The following RBBP5 variants were observed in gnomAD, a reference collection of about 807,000 sequenced individuals.
RBBP5 encodes the protein retinoblastoma-binding protein 5.
RBBP5 carries 5 observed loss-of-function variants against 72.2 expected under a neutral mutation model. The ratio of observed to expected loss-of-function variants is 0.07; its 90% CI spans 0.04 to 0.15. RBBP5 has a LOEUF of 0.15. Among genes scored for constraint, RBBP5 ranks in the 10% least tolerant of loss-of-function variants. RBBP5 has a pLI of 1.00. For missense variants in RBBP5, 322 were observed against 652.2 expected, an observed-to-expected ratio of 0.49 and a Z score of 5.51; for synonymous variants, 209 against 237.2, an observed-to-expected ratio of 0.88 and a Z score of 1.09.
Position 205,117,349 on chromosome 1 carries a change from C to T in RBBP5, c.20-1466G>A, listed in dbSNP as rs553800991. ...GATTACAGGCATGAGCCACCACGCC[C>T]GGCCTAGTCCTTACAAATTTATGTG... On this transcript the variant is annotated intron_variant, in intron 1 of 13. Coordinates refer to ENST00000264515, the MANE Select transcript of RBBP5 (RefSeq NM_005057.4). Among the ~76,000 whole-genome samples, 60 of 152,066 alleles carry T rather than the reference C, an allele frequency of 3.9e-4. 1 individual carries two copies. In the South Asian group the frequency reaches 0.011, roughly 28 times the overall value.
rs375948988 is a variant in RBBP5 at position 205,111,185 on chromosome 1, C to G, written c.218+3604G>C. Among the ~76,000 whole-genome samples the G allele has an allele frequency of 1.8e-4, 27 of 152,356 alleles. 1 individual carries two copies. The highest frequency in any genetic ancestry group is 6.5e-4 in the African/African-American group (27 of 41,576). ...CTCTTACTTTATATCCTTTGACTGA[C>G]TAATAACACTTCTGGAAGTCTACTG... On this transcript the variant is annotated intron_variant, in intron 3 of 13. Transcript: ENST00000264515.
chr1:205,103,650 T>C (rs939943065), intron 5 of RBBP5, among the ~76,000 whole-genome samples: 1 of 152,234 alleles, frequency 6.6e-6, no homozygotes, highest in African/African-American at 2.4e-5. Flanking sequence ...GGTCCTCCCA[T>C]GCTTTTCTAG....
intron 1 of RBBP5, among the ~76,000 whole-genome samples, chr1:205,120,647 C>T (rs1257617865): frequency 6.6e-6 from 1 of 152,092 alleles, no homozygotes; most frequent in East Asian, 1.9e-4. Context: ...CCAGGCATGG[C>T]AGTGCGCACC....
At position 205,101,584 on chromosome 1, in the gene RBBP5, G is replaced by A. The variant is rs780815330; in HGVS notation, c.632+16C>T. ...CACTCTTAAAACTGTCCCTTAAAAG[G>A]TAAGATCTCACTCACCTCCCCTTCC... On this transcript the variant is annotated intron_variant, in intron 6 of 13. Coordinates refer to ENST00000264515, the MANE Select transcript of RBBP5 (RefSeq NM_005057.4). The A allele has an allele frequency of 1.3e-6, 2 of 1,576,732 alleles. No individual in the cohort carries two copies. The highest frequency in any genetic ancestry group is 8.7e-7 in the Non-Finnish European group (1 of 1,150,592).
At chr1:205,094,770 C>G (rs769989844) in intron 13 of RBBP5, 103 bp downstream of exon 13, 2 of 1,271,380 alleles carry the variant, frequency 1.6e-6, no homozygotes, top group South Asian at 1.6e-5. Flanking sequence ...CTGGGAAAAA[C>G]GAGGGAAGAG....
chr1:205,095,210 A>G, intron 12 of RBBP5, 146 bp from the exon 13 acceptor site: 1 of 792,464 alleles, frequency 1.3e-6, no homozygotes. Context: ...TTCTATAAGT[A>G]TAAAACAGTG....
chr1:205,117,439 T>G (rs1656570776), intron 1 of RBBP5, among the ~76,000 whole-genome samples: 1 of 151,698 alleles, frequency 6.6e-6, no homozygotes, highest in African/African-American at 2.4e-5. Context: ...GGCAGGTGGA[T>G]CACCTGAGGT....
intron 10 of RBBP5, 116 bp from the exon 11 acceptor site, chr1:205,097,511 AG>A (rs1182371238): frequency 1.1e-6 from 1 of 934,866 alleles, no homozygotes; most frequent in Non-Finnish European, 1.7e-6. Flanking sequence ...AAAACCAAAC[AG>A]TTCACTTCAC....
intron 2 of RBBP5, among the ~76,000 whole-genome samples, chr1:205,115,185 A>C (rs1397647796): frequency 6.6e-6 from 1 of 152,218 alleles, no homozygotes; most frequent in Non-Finnish European, 1.5e-5. Context: ...AATCCCTTAC[A>C]TCACTACTAT....
intron 13 of RBBP5, among the ~76,000 whole-genome samples, chr1:205,092,786 TG>T (rs1655401760): frequency 1.3e-5 from 2 of 151,912 alleles, no homozygotes; most frequent in South Asian, 4.2e-4. Flanking sequence ...CTCACCATGT[TG>T]CCCAGGCTGG....
chr1:205,105,808 G>A lies in RBBP5; in HGVS notation c.219-640C>T, dbSNP rs549181305. 2.0e-5 allele frequency among the ~76,000 whole-genome samples: 3 copies of A among 152,302 alleles called. No individual in the cohort carries two copies. In the East Asian group the frequency reaches 5.8e-4, roughly 29 times the overall value. On this transcript the variant is annotated intron_variant, in intron 3 of 13. Transcript: ENST00000264515. ...TAATGCCAGTGGGCACGCATAAAAAGCCCCAAGAAGAGCTAAGGGACCAGA... is the reference window on the plus strand; with the variant it reads ...TAATGCCAGTGGGCACGCATAAAAAACCCCAAGAAGAGCTAAGGGACCAGA...
intron 4 of RBBP5, 69 bp from the exon 5 acceptor site, chr1:205,104,088 C>T: frequency 6.5e-7 from 1 of 1,535,672 alleles, no homozygotes; most frequent in Non-Finnish European, 9.0e-7. Context: ...CTGTCCTTTT[C>T]CCTGATCCCT....
intron 5 of RBBP5, among the ~76,000 whole-genome samples, 168 bp from the exon 6 acceptor site, chr1:205,101,877 C>A (rs1160404037): frequency 2.7e-5 from 4 of 150,242 alleles, no homozygotes; most frequent in Non-Finnish European, 4.4e-5. Context: ...TTAAGTAAGA[C>A]AAGGTCTTAA....
At chr1:205,112,136 G>A (rs1164601674) in intron 3 of RBBP5, among the ~76,000 whole-genome samples, 2 of 152,168 alleles carry the variant, frequency 1.3e-5, no homozygotes, top group Non-Finnish European at 2.9e-5. Context: ...TGGCCAACAT[G>A]GCAAAACACT....
At position 205,099,601 on chromosome 1, in the gene RBBP5, G is replaced by A; in HGVS notation, c.978+140C>T. 1.1e-6 allele frequency: 1 copy of A among 871,962 alleles called. No homozygotes were observed. Among genetic ancestry groups the A allele is most frequent in the Non-Finnish European group, 1.7e-6 (1 of 578,086 alleles). The allele number at this position is 871,962 out of a possible 1,614,324, so 54.0% of individuals were successfully genotyped here. On this transcript the variant is annotated intron_variant, in intron 9 of 13. Transcript: ENST00000264515. The surrounding 1 kb of genome is among the most constrained non-coding windows in gnomAD (Gnocchi z 4.7). Reference sequence around the variant, plus strand: ...CCACCAAAATAAAGTGCAACTAGATGCACTGAACCTATGTAATTTAGGTTG... The same window carrying A: ...CCACCAAAATAAAGTGCAACTAGATACACTGAACCTATGTAATTTAGGTTG...
At chr1:205,095,532 C>T (rs1655578243) in intron 12 of RBBP5, among the ~76,000 whole-genome samples, 1 of 152,122 alleles carries the variant, frequency 6.6e-6, no homozygotes, top group East Asian at 1.9e-4. Flanking sequence ...CTAAACTGAA[C>T]AAGTAGCTGA....
At chr1:205,102,996 CAAA>C (rs376931698) in intron 5 of RBBP5, among the ~76,000 whole-genome samples, 2 of 117,302 alleles carry the variant, frequency 1.7e-5, no homozygotes, top group Non-Finnish European at 1.7e-5. Context: ...AACTCCATCT[CAAA>C]AAAAAAAAAA....
Position 205,121,945 on chromosome 1 carries a change from G to T in RBBP5, c.-72C>A. The T allele has an allele frequency of 6.3e-7, 1 of 1,599,488 alleles. No individual in the cohort carries two copies. The highest frequency in any genetic ancestry group is 1.7e-5 in the Admixed American group (1 of 59,680). On this transcript the variant is annotated 5_prime_UTR_variant, in exon 1 of 14. Coordinates refer to ENST00000264515, the MANE Select transcript of RBBP5 (RefSeq NM_005057.4). ...TCTCCCCGGCCGGCTTCAGCAACTT[G>T]CGTCTAAGTGGTGGACGCCGCGAAG...
chr1:205,119,878 C>T (rs953214068), intron 1 of RBBP5, among the ~76,000 whole-genome samples: 1 of 152,080 alleles, frequency 6.6e-6, no homozygotes, highest in Non-Finnish European at 1.5e-5. Flanking sequence ...TTCTTTTCTC[C>T]CCCTCCCACT....
Sources: gnomAD v4.1 joint callset for allele counts (sites outside exome capture counted in the v4.1 genomes callset) on GRCh38, gnomAD v4.1.1 for gene constraint, Gnocchi (gnomAD v3.1) non-coding constraint, MANE v1.5 for transcripts, NCBI Gene and HGNC (gene_info 2026-07-23, HGNC 2026-07-21) for gene names.